Variants in CACNB2 observed in about 807,000 individuals in gnomAD.
The protein encoded by CACNB2 is voltage-dependent L-type calcium channel subunit beta-2.
In CACNB2, 42 loss-of-function variants were observed where a neutral mutation model predicts 73.3. The observed-to-expected ratio is 0.57, with a 90% CI of 0.45 to 0.74. The LOEUF (loss-of-function observed/expected upper bound fraction) is 0.74. Ranked by LOEUF, CACNB2 falls within the 30% of genes least tolerant of loss-of-function variation. CACNB2 has a pLI of 0.00. For missense variants in CACNB2, 940 were observed against 853.0 expected (o/e 1.10, Z -1.27); for synonymous variants, 348 against 310.3 (o/e 1.12, Z -1.28).
intron 2 of CACNB2, among the ~76,000 whole-genome samples, chr10:18,281,577 G>A (rs1251349428): frequency 6.6e-6 from 1 of 152,108 alleles, no homozygotes; most frequent in Non-Finnish European, 1.5e-5. Context: ...TCCACTAAAT[G>A]GTGGGGTACT....
intron 2 of CACNB2, among the ~76,000 whole-genome samples, chr10:18,251,502 C>A (rs1022617598): frequency 2.0e-5 from 3 of 152,196 alleles, no homozygotes; most frequent in Non-Finnish European, 4.4e-5. Context: ...CCCACCTCGG[C>A]CTCCCAAAGT....
intron 2 of CACNB2, among the ~76,000 whole-genome samples, chr10:18,291,098 G>A (rs2039048701): frequency 6.6e-6 from 1 of 152,228 alleles, no homozygotes; most frequent in African/African-American, 2.4e-5. Context: ...ACTGCAGGGA[G>A]AGCGATAACC....
At chr10:18,228,787 T>A (rs1000067043) in intron 2 of CACNB2, among the ~76,000 whole-genome samples, 4 of 152,174 alleles carry the variant, frequency 2.6e-5, no homozygotes, top group African/African-American at 9.7e-5. Flanking sequence ...TCACCCAGGT[T>A]GGAGTGCAAT....
chr10:18,140,529 C>T lies in CACNB2; in HGVS notation c.-208C>T, dbSNP rs1204249870. 3.1e-6 allele frequency: 1 copy of T among 317,464 alleles called. No homozygotes were observed. The highest frequency in any genetic ancestry group is 5.7e-6 in the Non-Finnish European group (1 of 176,394). 19.7% of individuals were successfully genotyped at this position (317,464 alleles called of 1,614,324 possible). A position where few individuals can be genotyped will look rare whatever the true frequency, so the allele number is the denominator to read the frequency against. ...GTCCCGCCTCCCGAGCGGCTCGCTT[C>T]GCCCGATGCCCCGGCCCCGTCCCGC... On this transcript the variant is annotated 5_prime_UTR_variant, in exon 1 of 14. Transcript: ENST00000324631.
At chr10:18,368,873 G>A (rs1397533999) in intron 2 of CACNB2, among the ~76,000 whole-genome samples, 1 of 151,960 alleles carries the variant, frequency 6.6e-6, no homozygotes, top group African/African-American at 2.4e-5. Flanking sequence ...ATGTTAAACA[G>A]TTACAGCATG....
chr10:18,399,138 G>T (rs1460594188), intron 2 of CACNB2, among the ~76,000 whole-genome samples: 1 of 152,108 alleles, frequency 6.6e-6, no homozygotes, highest in Non-Finnish European at 1.5e-5. Context: ...CCTGTAGCGG[G>T]GTGATTGGGT....
intron 2 of CACNB2, among the ~76,000 whole-genome samples, chr10:18,174,827 G>C (rs146022776): frequency 2.6e-5 from 4 of 152,122 alleles, no homozygotes; most frequent in African/African-American, 9.6e-5. Flanking sequence ...CAGATTTCTA[G>C]AGTATTACCT....
intron 2 of CACNB2, among the ~76,000 whole-genome samples, chr10:18,236,307 G>A (rs954421576): frequency 6.6e-6 from 1 of 152,168 alleles, no homozygotes; most frequent in African/African-American, 2.4e-5. Context: ...AGGCACGATC[G>A]GCTGCTACAG....
rs539484465 is a variant in CACNB2, at chr10:18,294,356, G to A, written c.214-107568G>A. On this transcript the variant is annotated intron_variant, in intron 2 of 13. Transcript: ENST00000324631. ...CAGCATGTTCTCTGAGATGTGCTGA[G>A]GCTTATCAGATCATCCTGGTACAAG... is the stretch of plus-strand genomic sequence containing the variant. Among the ~76,000 whole-genome samples, 3 of 152,280 alleles carry A rather than the reference G, an allele frequency of 2.0e-5. No homozygotes were observed. In the South Asian group the frequency reaches 6.2e-4, roughly 32 times the overall value.
At chr10:18,473,422 C>T (rs1170601877) in intron 3 of CACNB2, among the ~76,000 whole-genome samples, 3 of 152,116 alleles carry the variant, frequency 2.0e-5, no homozygotes, top group African/African-American at 7.2e-5. Flanking sequence ...AAAAATATTG[C>T]CAGGCCCCAA....
chr10:18,251,580 C>T (rs1426972443), intron 2 of CACNB2, among the ~76,000 whole-genome samples: 1 of 152,146 alleles, frequency 6.6e-6, no homozygotes, highest in Non-Finnish European at 1.5e-5. Context: ...CATTTGTAAC[C>T]CACTGTATTA....
chr10:18,423,079 G>A (rs2045413278), intron 3 of CACNB2, among the ~76,000 whole-genome samples: 1 of 152,210 alleles, frequency 6.6e-6, no homozygotes, highest in Non-Finnish European at 1.5e-5. Flanking sequence ...GTGATAGGAA[G>A]TGTGTGAATG....
intron 2 of CACNB2, among the ~76,000 whole-genome samples, chr10:18,229,849 G>A (rs761466235): frequency 1.3e-5 from 2 of 152,174 alleles, no homozygotes; most frequent in Non-Finnish European, 2.9e-5. Context: ...AAATTAAGAT[G>A]TACTACGGTA....
At chr10:18,152,729 AAAACAAAAAAC>A (rs2031689143) in intron 2 of CACNB2, among the ~76,000 whole-genome samples, 6 of 118,252 alleles carry the variant, frequency 5.1e-5, no homozygotes, top group East Asian at 2.9e-4. Context: ...AAAAAAAAAA[AAAACAAAAAAC>A]AAAACACTAG....
At chr10:18,432,819 G>A (rs1006359681) in intron 3 of CACNB2, among the ~76,000 whole-genome samples, 5 of 145,708 alleles carry the variant, frequency 3.4e-5, no homozygotes, top group Non-Finnish European at 7.4e-5. Context: ...GGGTGACAGA[G>A]TCAGCCCTGT....
chr10:18,284,886 G>A (rs1263198442), intron 2 of CACNB2, among the ~76,000 whole-genome samples: 1 of 152,194 alleles, frequency 6.6e-6, no homozygotes, highest in Non-Finnish European at 1.5e-5. Context: ...TGAGCTTTTA[G>A]AGATAATGGG....
intron 2 of CACNB2, among the ~76,000 whole-genome samples, chr10:18,189,499 G>T (rs1183322899): frequency 6.6e-6 from 1 of 151,776 alleles, no homozygotes; most frequent in East Asian, 1.9e-4. Context: ...TTATTTTCCT[G>T]ATTAAGTTGA....
chr10:18,425,569 G>A lies in CACNB2; in HGVS notation c.333+23526G>A, dbSNP rs1575837. ...ACTGGTCCCAGCTACTTGGGAGGCT[G>A]AGTTGGGGGGGTTGCTTGAGCCCAG... On this transcript the variant is annotated intron_variant, in intron 3 of 13. Coordinates refer to ENST00000324631, the MANE Select transcript of CACNB2 (RefSeq NM_201596.3). 7.7e-3 allele frequency among the ~76,000 whole-genome samples: 1,169 copies of A among 152,218 alleles called. 23 individuals are homozygous for A. Among genetic ancestry groups the A allele is most frequent in the African/African-American group, 0.027 (1,111 of 41,528 alleles).
chr10:18,426,543 G>A lies in CACNB2; in HGVS notation c.333+24500G>A, dbSNP rs183826233. On this transcript the variant is annotated intron_variant, in intron 3 of 13. Transcript: ENST00000324631. ...AGGACAGTCATAGCATGTGAATAACGGAAATTCTATTTCTGGTTGAGCACA... is the reference window on the plus strand; with the variant it reads ...AGGACAGTCATAGCATGTGAATAACAGAAATTCTATTTCTGGTTGAGCACA... Among the ~76,000 whole-genome samples, 102 of 152,156 alleles carry A rather than the reference G, an allele frequency of 6.7e-4. 2 individuals carry two copies. In the East Asian group the frequency reaches 0.01, roughly 16 times the overall value.
Sources: gnomAD v4.1 joint callset for allele counts (sites outside exome capture counted in the v4.1 genomes callset) on GRCh38, gnomAD v4.1.1 for gene constraint, MANE v1.5 for transcripts, NCBI Gene and HGNC (gene_info 2026-07-23, HGNC 2026-07-21) for gene names.